PATJ: variants seen among roughly 807,000 people sequenced by gnomAD.
PATJ encodes inaD-like protein.
Under a neutral mutation model 224.9 loss-of-function variants are expected in PATJ, and 190 were observed. The ratio of observed to expected loss-of-function variants is 0.84; its 90% CI spans 0.75 to 0.95. The LOEUF is 0.95. Ranked by LOEUF, PATJ falls within the 40% of genes least tolerant of loss-of-function variation. The pLI, the probability that PATJ is intolerant of heterozygous loss-of-function variation, is 0.00. For missense variants in PATJ, 2,121 were observed against 2,270.3 expected (o/e 0.93, Z 1.34); for synonymous variants, 769 against 820.3 (o/e 0.94, Z 1.07).
chr1:61,983,454 A>G (rs1342836994), intron 27 of PATJ, among the ~76,000 whole-genome samples: 1 of 152,088 alleles, frequency 6.6e-6, no homozygotes, highest in East Asian at 1.9e-4. Flanking sequence ...TTCTAGTACT[A>G]CTAATGGATT....
intron 37 of PATJ, among the ~76,000 whole-genome samples, chr1:62,119,155 A>T (rs934372015): frequency 6.6e-6 from 1 of 151,936 alleles, no homozygotes; most frequent in East Asian, 1.9e-4. Flanking sequence ...TTCAATTTTT[A>T]AAAACAGTAA....
Position 61,747,010 on chromosome 1 carries a change from G to A in PATJ, c.-36+4455G>A, listed in dbSNP as rs188370974. On this transcript the variant is annotated intron_variant, in intron 1 of 43. Transcript: ENST00000642238. ...CATTTAATAATTATCCTTACACTGAGGAGCCAGCAGGCTGAATTTACTTGC... is the reference window on the plus strand; with the variant it reads ...CATTTAATAATTATCCTTACACTGAAGAGCCAGCAGGCTGAATTTACTTGC... Among the ~76,000 whole-genome samples the A allele has an allele frequency of 1.3e-3, 199 of 152,278 alleles. 1 individual carries two copies. The highest frequency in any genetic ancestry group is 4.5e-3 in the African/African-American group (187 of 41,566).
In PATJ at chr1:61,822,963, C is replaced by G; in HGVS notation, c.1702C>G (p.Leu568Val). Residue 568 changes from leucine to valine, a missense_variant, in exon 15 of 44, where the codon CTG becomes GTG. Coordinates refer to ENST00000642238, the MANE Select transcript of PATJ (RefSeq NM_001350145.3). The part of the protein sequence containing the change: ...KYSKLLPIHT[L>V]RLGVEVDSFD... ...GCTACAGCTGCTGCCTATTCACACT[C>G]TGAGGCTTGGTGTGGAAGTGGATTC... is the stretch of plus-strand genomic sequence containing the variant. 1 of 1,614,124 alleles carries G rather than the reference C, an allele frequency of 6.2e-7. No individual in the cohort carries two copies. Among genetic ancestry groups the G allele is most frequent in the Non-Finnish European group, 8.5e-7 (1 of 1,179,994 alleles).
At chr1:61,942,470 T>C (rs981853085) in intron 27 of PATJ, among the ~76,000 whole-genome samples, 2 of 151,890 alleles carry the variant, frequency 1.3e-5, no homozygotes, top group African/African-American at 4.8e-5. Flanking sequence ...TGCAAAATGA[T>C]AGACAGTACA....
chr1:61,844,124 A>G (rs12045057), intron 17 of PATJ, among the ~76,000 whole-genome samples: 8,532 of 152,252 alleles, frequency 0.056, 323 homozygotes, highest in South Asian at 0.11. Flanking sequence ...GCTCTGTACA[A>G]TATGTTATAA....
chr1:61,799,938 A>G (rs1652125314), intron 11 of PATJ, among the ~76,000 whole-genome samples: 1 of 152,164 alleles, frequency 6.6e-6, no homozygotes, highest in South Asian at 2.1e-4. Flanking sequence ...ACATAGTTTC[A>G]TTCTTTTTAT....
At position 61,751,998 on chromosome 1, in the gene PATJ, C is replaced by A. The variant is rs889658966; in HGVS notation, c.-36+9443C>A. Among the ~76,000 whole-genome samples, 5 of 151,566 alleles carry A rather than the reference C, an allele frequency of 3.3e-5. No individual in the cohort carries two copies. In the East Asian group the frequency reaches 9.7e-4, roughly 30 times the overall value. ...TACTAAAAATACAAAATTAGCCCAG[C>A]GTGGTGGGTCATACCTGTAATCCCA... On this transcript the variant is annotated intron_variant, in intron 1 of 43. Coordinates refer to ENST00000642238, the MANE Select transcript of PATJ (RefSeq NM_001350145.3).
chr1:62,012,593 A>C (rs921403548), intron 28 of PATJ, among the ~76,000 whole-genome samples: 3 of 152,228 alleles, frequency 2.0e-5, no homozygotes, highest in African/African-American at 7.2e-5. Flanking sequence ...ATTGTGCATA[A>C]AATATATCAT....
At chr1:61,807,654 C>G (rs1439680714) in intron 13 of PATJ, among the ~76,000 whole-genome samples, 2 of 152,160 alleles carry the variant, frequency 1.3e-5, no homozygotes, top group Non-Finnish European at 2.9e-5. Flanking sequence ...CAGAAAGAAG[C>G]TAGGCATGAT....
At chr1:62,152,349 C>T (rs1399294417) in intron 42 of PATJ, among the ~76,000 whole-genome samples, 2 of 144,352 alleles carry the variant, frequency 1.4e-5, no homozygotes, top group Non-Finnish European at 3.2e-5. Flanking sequence ...GTGGCCAGGG[C>T]GTTCCGGCAG....
intron 28 of PATJ, among the ~76,000 whole-genome samples, chr1:61,992,418 C>T (rs1393564465): frequency 6.6e-6 from 1 of 152,060 alleles, no homozygotes; most frequent in Non-Finnish European, 1.5e-5. Context: ...AGGCCTGGTC[C>T]CCATGGGACT....
intron 41 of PATJ, among the ~76,000 whole-genome samples, chr1:62,133,534 T>C (rs889436740): frequency 6.6e-6 from 1 of 152,062 alleles, no homozygotes; most frequent in East Asian, 1.9e-4. Context: ...GTAGCCGAGA[T>C]TGCACCACTG....
chr1:61,823,027 G>C lies in PATJ; in HGVS notation c.1766G>C (p.Gly589Ala). ...GHHYISSIVS[G>A]GPVDTLGLLQ... ...CATTATATTTCTTCAATTGTTTCTG[G>C]TGGTCCTGTTGATACATTGGGTCTC... The change falls in exon 15 of 44, where the codon GGT (glycine) becomes GCT (alanine). Residue 589 changes from glycine (G) to alanine (A), a missense_variant. Physicochemically the swap from Gly to Ala is moderately conservative, Grantham distance 60 (BLOSUM62 0). Transcript: ENST00000642238. 1 of 1,614,116 alleles carries C rather than the reference G, an allele frequency of 6.2e-7. No individual in the cohort carries two copies. The highest frequency in any genetic ancestry group is 8.5e-7 in the Non-Finnish European group (1 of 1,179,996).
At chr1:61,756,886 A>G (rs692227) in intron 1 of PATJ, among the ~76,000 whole-genome samples, 13,163 of 151,960 alleles carry the variant, frequency 0.087, 666 homozygotes, top group South Asian at 0.16. Context: ...TTTTAAATTT[A>G]CAATGAGAGT....
intron 33 of PATJ, among the ~76,000 whole-genome samples, chr1:62,092,698 G>A (rs1015564808): frequency 1.3e-5 from 2 of 151,200 alleles, no homozygotes; most frequent in South Asian, 2.1e-4. Flanking sequence ...TTACAGGTGT[G>A]AGCCACTGCA....
Position 62,100,556 on chromosome 1 carries a change from T to C in PATJ, c.4378-7881T>C, listed in dbSNP as rs576734138. ...GTCTCACCTCTTAATACTGTCACAA[T>C]GGCAATTAAATTTCAACATGAATTT... On this transcript the variant is annotated intron_variant, in intron 33 of 43. Coordinates refer to ENST00000642238, the MANE Select transcript of PATJ (RefSeq NM_001350145.3). The C allele has an allele frequency of 3.0e-5, 17 of 567,352 alleles. No individual in the cohort carries two copies. In the South Asian group the frequency reaches 4.5e-4, roughly 15 times the overall value. 35.1% of individuals were successfully genotyped at this position (567,352 alleles called of 1,614,324 possible). A position where few individuals can be genotyped will look rare whatever the true frequency, so the allele number is the denominator to read the frequency against.
chr1:61,871,183 A>G (rs1275368771), intron 20 of PATJ, among the ~76,000 whole-genome samples: 3 of 146,136 alleles, frequency 2.1e-5, no homozygotes, highest in East Asian at 4.0e-4. Flanking sequence ...AAAAAAAACC[A>G]GAAAAAAGAA....
intron 27 of PATJ, among the ~76,000 whole-genome samples, chr1:61,936,870 G>A (rs1277708904): frequency 2.6e-5 from 4 of 152,128 alleles, no homozygotes; most frequent in South Asian, 2.1e-4. Flanking sequence ...GAGACCCCAC[G>A]CCTGGCCGAA....
At chr1:62,038,662 C>T in intron 30 of PATJ, 1 of 240,910 alleles carries the variant, frequency 4.2e-6, no homozygotes. Flanking sequence ...TCACTACCTC[C>T]CTAAGGAAGT....
Sources: gnomAD v4.1 joint callset for allele counts (sites outside exome capture counted in the v4.1 genomes callset) on GRCh38, gnomAD v4.1.1 for gene constraint, MANE v1.5 for transcripts, NCBI Gene and HGNC (gene_info 2026-07-23, HGNC 2026-07-21) for gene names.